Variants in FGGY observed in about 807,000 individuals in gnomAD.
FGGY encodes FGGY carbohydrate kinase domain-containing protein.
In FGGY, 72 loss-of-function variants were observed where a neutral mutation model predicts 71.3. The observed-to-expected ratio is 1.01, with a 90% CI of 0.84 to 1.23. The LOEUF (loss-of-function observed/expected upper bound fraction) is 1.23, where lower values mean the gene tolerates loss of function less well. Among genes scored for constraint, FGGY ranks in the 50% most tolerant of loss-of-function variants. The probability of loss-of-function intolerance (pLI) is 0.00; values close to 1 mark genes in which losing one functional copy is unlikely to be tolerated. For missense variants in FGGY, 668 were observed against 682.3 expected, an observed-to-expected ratio of 0.98 and a Z score of 0.23; for synonymous variants, 251 against 250.3, an observed-to-expected ratio of 1.00 and a Z score of -0.02.
chr1:59,567,539 A>G (rs1445045730), intron 8 of FGGY, among the ~76,000 whole-genome samples: 1 of 151,988 alleles, frequency 6.6e-6, no homozygotes, highest in Non-Finnish European at 1.5e-5. Context: ...TGGGGCTTCC[A>G]TGACTTATTC....
intron 9 of FGGY, 27 bp downstream of exon 9, chr1:59,607,937 C>A (rs1256655977): frequency 6.4e-7 from 1 of 1,565,368 alleles, no homozygotes; most frequent in Admixed American, 1.7e-5. Flanking sequence ...TCAATAGGGT[C>A]ATGGATGTTT....
chr1:59,543,167 C>T (rs2095470797), intron 7 of FGGY, among the ~76,000 whole-genome samples: 1 of 152,210 alleles, frequency 6.6e-6, no homozygotes, highest in African/African-American at 2.4e-5. Flanking sequence ...CTATGTCAGC[C>T]ACATGTCATT....
At chr1:59,669,977 A>G (rs1032474245) in intron 13 of FGGY, among the ~76,000 whole-genome samples, 6 of 152,248 alleles carry the variant, frequency 3.9e-5, no homozygotes, top group Middle Eastern at 3.4e-3. Flanking sequence ...GTTCTCCTCT[A>G]GGCTGTTGAA....
At chr1:59,673,795 C>A in intron 13 of FGGY, 1 of 428,184 alleles carries the variant, frequency 2.3e-6, no homozygotes, top group South Asian at 3.0e-5. Context: ...ACTGAGGTCT[C>A]GTGAGTTGAT....
chr1:59,752,750 G>A (rs2098256554), intron 14 of FGGY, among the ~76,000 whole-genome samples: 1 of 152,192 alleles, frequency 6.6e-6, no homozygotes, highest in African/African-American at 2.4e-5. Context: ...TGCCAGTGCT[G>A]CCACAAGAGA....
At chr1:59,731,461 G>A (rs1362387092) in intron 14 of FGGY, among the ~76,000 whole-genome samples, 3 of 152,174 alleles carry the variant, frequency 2.0e-5, no homozygotes, top group Non-Finnish European at 4.4e-5. Flanking sequence ...CTGACGCCAT[G>A]AGTCCTATCA....
At chr1:59,314,245 G>A (rs1434380174) in intron 1 of FGGY, among the ~76,000 whole-genome samples, 1 of 152,164 alleles carries the variant, frequency 6.6e-6, no homozygotes, top group Admixed American at 6.5e-5. Flanking sequence ...GATTACAGGC[G>A]TGAGCCACCG....
intron 1 of FGGY, among the ~76,000 whole-genome samples, chr1:59,299,629 G>T (rs931440223): frequency 7.5e-6 from 1 of 133,762 alleles, no homozygotes; most frequent in East Asian, 2.3e-4. Flanking sequence ...TCTCAGCAAG[G>T]CCATTTACTT....
At chr1:59,504,102 C>T (rs2153614059) in intron 6 of FGGY, among the ~76,000 whole-genome samples, 1 of 149,722 alleles carries the variant, frequency 6.7e-6, no homozygotes, top group South Asian at 2.1e-4. Context: ...AAAAAGCCTC[C>T]ATAAAAACCC....
In FGGY at chr1:59,611,653, G is replaced by A. The variant is rs2096681066; in HGVS notation, c.1011+3743G>A. On this transcript the variant is annotated intron_variant, in intron 9 of 15. Coordinates refer to ENST00000303721, the MANE Select transcript of FGGY (RefSeq NM_018291.5). ...AACGGAACAAAGCTGGACGGAGTAT[G>A]ACTTTGACGAGTTGAGAGAAGAAGG... Among the ~76,000 whole-genome samples, 7 of 152,354 alleles carry A rather than the reference G, an allele frequency of 4.6e-5. No individual in the cohort carries two copies. The South Asian group carries it at 1.2e-3, about 27-fold the overall frequency.
At chr1:59,499,562 A>G (rs1212398637) in intron 6 of FGGY, among the ~76,000 whole-genome samples, 13 of 152,172 alleles carry the variant, frequency 8.5e-5, no homozygotes, top group Admixed American at 6.6e-5. Flanking sequence ...GCGAAACTGC[A>G]GATAAGGGGA....
intron 14 of FGGY, among the ~76,000 whole-genome samples, chr1:59,727,950 G>A (rs1490973966): frequency 6.6e-6 from 1 of 152,018 alleles, no homozygotes; most frequent in Non-Finnish European, 1.5e-5. Flanking sequence ...TTAAAAGTGG[G>A]TTTCTTTGTA....
Position 59,500,919 on chromosome 1 carries a change from A to G in FGGY, c.671-11392A>G, listed in dbSNP as rs181973361. On this transcript the variant is annotated intron_variant, in intron 6 of 15. Coordinates refer to ENST00000303721, the MANE Select transcript of FGGY (RefSeq NM_018291.5). ...GGCTTCATTTCTATGCAAGTAAGAC[A>G]TCTGGTTGGGAAGTGAAAAATTTTG... 1.7e-3 allele frequency among the ~76,000 whole-genome samples: 255 copies of G among 152,282 alleles called. 7 individuals carry two copies. The highest frequency in any genetic ancestry group is 0.016 in the Admixed American group (240 of 15,288).
At chr1:59,541,842 A>G (rs972391258) in intron 7 of FGGY, among the ~76,000 whole-genome samples, 8 of 152,224 alleles carry the variant, frequency 5.3e-5, no homozygotes, top group South Asian at 2.1e-4. Context: ...TTTATATTCC[A>G]TGCTGTCACC....
intron 14 of FGGY, among the ~76,000 whole-genome samples, chr1:59,734,613 A>G (rs1049540997): frequency 3.9e-5 from 6 of 152,242 alleles, no homozygotes; most frequent in East Asian, 1.9e-4. Context: ...TACATGAAGC[A>G]TACATGCATA....
chr1:59,380,222 T>C (rs186876287), intron 5 of FGGY, among the ~76,000 whole-genome samples: 7 of 151,662 alleles, frequency 4.6e-5, no homozygotes, highest in Non-Finnish European at 1.0e-4. Context: ...TGATTCCAAG[T>C]CTTTGCTATT....
chr1:59,438,918 A>G (rs1355255636), intron 5 of FGGY, among the ~76,000 whole-genome samples: 1 of 152,134 alleles, frequency 6.6e-6, no homozygotes. Flanking sequence ...CTCTGTTCCA[A>G]CGCATGATTT....
chr1:59,309,909 A>T (rs2043996435), intron 1 of FGGY: 1 of 151,076 alleles, frequency 6.6e-6, no homozygotes, highest in Admixed American at 6.6e-5. Flanking sequence ...GAAACCCAAG[A>T]GGCAGAGGCT....
chr1:59,700,883 G>A (rs947084834), intron 14 of FGGY, among the ~76,000 whole-genome samples: 3 of 152,150 alleles, frequency 2.0e-5, no homozygotes, highest in Non-Finnish European at 4.4e-5. Flanking sequence ...AGTCCCAAAT[G>A]ACAGAAAGGA....
Sources: gnomAD v4.1 joint callset for allele counts (sites outside exome capture counted in the v4.1 genomes callset) on GRCh38, gnomAD v4.1.1 for gene constraint, MANE v1.5 for transcripts, NCBI Gene and HGNC (gene_info 2026-07-23, HGNC 2026-07-21) for gene names.